Variants in CDHR3 observed in about 807,000 individuals in gnomAD.
CDHR3 encodes cadherin related family member 3.
Under a neutral mutation model 86.6 loss-of-function variants are expected in CDHR3, and 79 were observed. That is an observed-to-expected ratio of 0.91 (90% CI 0.76 to 1.10). The LOEUF is 1.10. Among genes scored for constraint, CDHR3 ranks in the 50% least tolerant of loss-of-function variants. CDHR3 has a pLI of 0.00. For missense variants in CDHR3, 1,081 were observed against 1,077.6 expected, an observed-to-expected ratio of 1.00 and a Z score of -0.04; for synonymous variants, 421 against 402.4, an observed-to-expected ratio of 1.05 and a Z score of -0.55.
chr7:105,992,569 C>A lies in CDHR3; in HGVS notation c.514-2182C>A, dbSNP rs527280203. On this transcript the variant is annotated intron_variant, in intron 4 of 18. Coordinates refer to ENST00000317716, the MANE Select transcript of CDHR3 (RefSeq NM_152750.5). ...TCTGTGGCATCACCCAAATATTTCC[C>A]CTTAAAAATGAGCAGAAAACACCTA... Among the ~76,000 whole-genome samples, 212 of 152,214 alleles carry A rather than the reference C, an allele frequency of 1.4e-3. 7 individuals are homozygous for A. The South Asian group carries it at 0.043, about 31-fold the overall frequency.
Position 105,963,345 on chromosome 7 carries a change from T to A in CDHR3, c.27T>A (p.Ala9=). Residue 9 remains alanine, a synonymous_variant, in exon 1 of 19, where the codon GCT becomes GCA. Coordinates refer to ENST00000317716, the MANE Select transcript of CDHR3 (RefSeq NM_152750.5). Reference sequence around the variant, plus strand: ...TGCAGGAAGCAATCATTCTCCTGGCTCTCCTGGGTGCCATGTCAGGTAGGA... The same window carrying A: ...TGCAGGAAGCAATCATTCTCCTGGCACTCCTGGGTGCCATGTCAGGTAGGA... MQEAIILL[A]LLGAMSGGEA... 1 of 1,614,022 alleles carries A rather than the reference T, an allele frequency of 6.2e-7. No individual in the cohort carries two copies.
At position 106,028,670 on chromosome 7, in the gene CDHR3, G is replaced by A. The variant is rs536331448; in HGVS notation, c.2304+88G>A. ...CCGAAGGCAGGCCTGCCACAGCCTT[G>A]TGGGCATGTTTATCATTCAGGGAGG... is the stretch of plus-strand genomic sequence containing the variant. On this transcript the variant is annotated intron_variant, in intron 17 of 18. Transcript: ENST00000317716. The A allele has an allele frequency of 2.7e-5, 39 of 1,424,652 alleles. No homozygotes were observed. The South Asian group carries it at 4.5e-4, about 17-fold the overall frequency. The allele number at this position is 1,424,652 out of a possible 1,614,324, so 88.3% of individuals were successfully genotyped here.
intron 1 of CDHR3, among the ~76,000 whole-genome samples, chr7:105,974,307 A>G (rs928313109): frequency 6.6e-6 from 1 of 152,202 alleles, no homozygotes; most frequent in South Asian, 2.1e-4. Flanking sequence ...ACAGAGTCCA[A>G]TAATAACCAA....
At chr7:106,000,899 CA>C (rs35254288) in intron 6 of CDHR3, among the ~76,000 whole-genome samples, 4,638 of 90,680 alleles carry the variant, frequency 0.051, 107 homozygotes, top group African/African-American at 0.092. Context: ...TATCCTCAGG[CA>C]AAAAAAAAAA....
chr7:106,025,778 T>C (rs1013255619), intron 15 of CDHR3, among the ~76,000 whole-genome samples: 1 of 152,254 alleles, frequency 6.6e-6, no homozygotes, highest in Non-Finnish European at 1.5e-5. Flanking sequence ...AGTTTGTTGC[T>C]ATTGGCAACC....
chr7:106,007,960 A>C (rs1834188901), intron 8 of CDHR3, among the ~76,000 whole-genome samples: 1 of 152,220 alleles, frequency 6.6e-6, no homozygotes, highest in East Asian at 1.9e-4. Flanking sequence ...TGGCTGGGGA[A>C]GCCTCACAAT....
rs1290084165 is a variant in CDHR3 at position 106,001,702 on chromosome 7, T to C, written c.862+92T>C. ...AGTTGTCCCTCGTTACCCATGAGAA[T>C]TGGTTCTAGGATGCACCGTGGATAC... is the stretch of plus-strand genomic sequence containing the variant. On this transcript the variant is annotated intron_variant, in intron 7 of 18. Coordinates refer to ENST00000317716, the MANE Select transcript of CDHR3 (RefSeq NM_152750.5). The C allele has an allele frequency of 2.0e-6, 3 of 1,537,342 alleles. No individual in the cohort carries two copies. The East Asian group carries it at 6.8e-5, about 35-fold the overall frequency.
intron 8 of CDHR3, among the ~76,000 whole-genome samples, chr7:106,008,088 A>G (rs551405261): frequency 4.6e-5 from 7 of 152,188 alleles, no homozygotes; most frequent in Non-Finnish European, 1.0e-4. Flanking sequence ...GGACTTAGTC[A>G]CTATCACAAG....
chr7:105,963,477 A>G, intron 1 of CDHR3, 113 bp downstream of exon 1: 1 of 1,098,080 alleles, frequency 9.1e-7, no homozygotes, highest in South Asian at 1.3e-5. Flanking sequence ...TGTTCAATTG[A>G]GGGCTTAGCT....
Position 105,996,342 on chromosome 7 carries a change from C to T in CDHR3, c.701C>T (p.Pro234Leu), listed in dbSNP as rs746528834. ...VNIVNLNDEV[P>L]RFTSPTRVYT... ...ATCGTGAACCTCAACGACGAAGTCC[C>T]TCGCTTTACCAGGTAGGCCTGAGGG... Residue 234 changes from proline (P) to leucine (L), a missense_variant, in exon 6 of 19, where the codon CCT becomes CTT. Transcript: ENST00000317716. The T allele has an allele frequency of 3.1e-6, 5 of 1,591,392 alleles. No homozygotes were observed. In the East Asian group the frequency reaches 1.1e-4, roughly 36 times the overall value.
At chr7:105,970,516 C>T (rs889713670) in intron 1 of CDHR3, among the ~76,000 whole-genome samples, 1 of 152,120 alleles carries the variant, frequency 6.6e-6, no homozygotes, top group Non-Finnish European at 1.5e-5. Flanking sequence ...TCCATTAGAG[C>T]CTCCTTCTTG....
At chr7:106,009,491 T>C (rs982198426) in intron 8 of CDHR3, among the ~76,000 whole-genome samples, 1 of 152,216 alleles carries the variant, frequency 6.6e-6, no homozygotes, top group Admixed American at 6.5e-5. Context: ...TCTGCCACAG[T>C]CTCTGACACT....
At chr7:106,024,815 T>C (rs1431087089) in intron 15 of CDHR3, among the ~76,000 whole-genome samples, 1 of 152,236 alleles carries the variant, frequency 6.6e-6, no homozygotes, top group African/African-American at 2.4e-5. Context: ...CTTGAGGCTC[T>C]TAATAAGACT....
At chr7:105,992,998 GTCT>G (rs1414159043) in intron 4 of CDHR3, among the ~76,000 whole-genome samples, 1 of 152,218 alleles carries the variant, frequency 6.6e-6, no homozygotes, top group African/African-American at 2.4e-5. Flanking sequence ...TGTGCACACT[GTCT>G]TCTTGTGCTG....
chr7:105,995,382 T>C (rs1008136976), intron 5 of CDHR3, among the ~76,000 whole-genome samples: 2 of 152,112 alleles, frequency 1.3e-5, no homozygotes, highest in African/African-American at 2.4e-5. Context: ...TTTAACATCA[T>C]GAGAAAAGAG....
At chr7:106,019,204 C>T (rs1585805647) in intron 12 of CDHR3, among the ~76,000 whole-genome samples, 1 of 152,194 alleles carries the variant, frequency 6.6e-6, no homozygotes. Context: ...CTGAGCAATG[C>T]TTATCTCCGT....
rs746737972 is a variant in CDHR3 at position 106,018,079 on chromosome 7, G to A, written c.1653+7G>A. 9 of 1,610,916 alleles carry A rather than the reference G, an allele frequency of 5.6e-6. No homozygotes were observed. The highest frequency in any genetic ancestry group is 6.8e-6 in the Non-Finnish European group (8 of 1,177,792). The stretch of plus-strand genomic sequence containing the variant: ...AGACACAAGCTCTGTCACTGTGAGT[G>A]GTGCTGCTTGGTATAGTGCCGGTAA... On this transcript the variant is annotated splice_region_variant and intron_variant, in intron 12 of 18. Transcript: ENST00000317716.
chr7:105,989,298 C>T (rs1296772715), intron 4 of CDHR3, among the ~76,000 whole-genome samples: 1 of 145,758 alleles, frequency 6.9e-6, no homozygotes, highest in Admixed American at 6.8e-5. Flanking sequence ...TCTCTGCTTC[C>T]CCCTCTGCTT....
At chr7:106,016,621 G>T (rs1368524018) in intron 11 of CDHR3, among the ~76,000 whole-genome samples, 1 of 152,022 alleles carries the variant, frequency 6.6e-6, no homozygotes, top group Non-Finnish European at 1.5e-5. Flanking sequence ...TAGTGTAATA[G>T]ACTCCCCACA....
Sources: allele counts gnomAD v4.1 joint callset (sites outside exome capture counted in the v4.1 genomes callset), GRCh38; gene constraint gnomAD v4.1.1; transcripts MANE v1.5; gene names NCBI Gene and HGNC (gene_info 2026-07-23, HGNC 2026-07-21).